PPP2R2B: variants seen among roughly 807,000 people sequenced by gnomAD.
The protein encoded by PPP2R2B is protein phosphatase 2 regulatory subunit Bbeta.
PPP2R2B carries 5 observed loss-of-function variants against 46.0 expected under a neutral mutation model. The observed-to-expected ratio is 0.11, with a 90% CI of 0.06 to 0.23. The LOEUF (loss-of-function observed/expected upper bound fraction) is 0.23. Ranked by LOEUF, PPP2R2B falls within the 10% of genes least tolerant of loss-of-function variation. PPP2R2B has a pLI of 1.00. For synonymous variants in PPP2R2B, 215 were observed against 206.7 expected, an observed-to-expected ratio of 1.04 and a Z score of -0.34; for missense variants, 367 against 575.0, an observed-to-expected ratio of 0.64 and a Z score of 3.70.
Position 147,046,725 on chromosome 5 carries a change from A to T in PPP2R2B, c.79+8940T>A, listed in dbSNP as rs1756561333. On this transcript the variant is annotated intron_variant, in intron 1 of 8. Coordinates refer to the PPP2R2B transcript ENST00000336640. ...CATTTTCAACTAAATATTTCATATCACTAATCCTCCCTCACTATTTTTACC... is the reference window on the plus strand; with the variant it reads ...CATTTTCAACTAAATATTTCATATCTCTAATCCTCCCTCACTATTTTTACC... Among the ~76,000 whole-genome samples, 4 of 152,300 alleles carry T rather than the reference A, an allele frequency of 2.6e-5. 1 individual carries two copies. The South Asian group carries it at 8.3e-4, about 32-fold the overall frequency.
At chr5:146,681,681 A>G (rs1478887232) in intron 5 of PPP2R2B, among the ~76,000 whole-genome samples, 2 of 152,224 alleles carry the variant, frequency 1.3e-5, no homozygotes, top group Non-Finnish European at 2.9e-5. Context: ...AGAAAATCCT[A>G]TCTGGGTCAG....
chr5:146,692,216 C>T (rs1047943843), intron 4 of PPP2R2B, among the ~76,000 whole-genome samples: 5 of 152,202 alleles, frequency 3.3e-5, no homozygotes, highest in African/African-American at 1.2e-4. Context: ...CTGCATAGTA[C>T]ATATTTCTAG....
rs148423117 is a variant in PPP2R2B, at chr5:146,600,448, G to T, written c.803C>A (p.Pro268Gln). 1.2e-6 allele frequency: 2 copies of T among 1,613,556 alleles called. No individual in the cohort carries two copies. The highest frequency in any genetic ancestry group is 1.3e-5 in the African/African-American group (1 of 74,954). The part of the protein sequence containing the change: ...CDRHTKFFEE[P>Q]EDPSNRSFFS... ...AAATGATCTGTTGCTTGGATCTTCCGGCTCTTCAAAAACTGCAGAACAAAA... is the reference window on the plus strand; with the variant it reads ...AAATGATCTGTTGCTTGGATCTTCCTGCTCTTCAAAAACTGCAGAACAAAA... The change falls in exon 8 of 10, where the codon CCG (proline) becomes CAG (glutamine). Residue 268 changes from proline (P) to glutamine (Q), a missense_variant. Physicochemically the swap from Pro to Gln is moderately conservative, Grantham distance 76. Transcript: ENST00000394411.
At chr5:146,865,341 G>A (rs894235745) in intron 2 of PPP2R2B, among the ~76,000 whole-genome samples, 2 of 151,020 alleles carry the variant, frequency 1.3e-5, no homozygotes, top group African/African-American at 2.4e-5. Context: ...GAGCCTGGAA[G>A]GAAATATAGC....
upstream of PPP2R2B, among the ~76,000 whole-genome samples, chr5:146,880,295 C>A (rs1762124719): frequency 6.6e-6 from 1 of 151,428 alleles, no homozygotes; most frequent in African/African-American, 2.4e-5. Flanking sequence ...GACTTATACA[C>A]TTGTTTGTTC....
At chr5:146,915,647 T>C (rs927040504) in intron 1 of PPP2R2B, among the ~76,000 whole-genome samples, 24 of 152,194 alleles carry the variant, frequency 1.6e-4, no homozygotes, top group African/African-American at 5.8e-4. Flanking sequence ...AGAAACATAA[T>C]ATTTCCTTAA....
At chr5:146,926,372 T>TTTTA (rs967978590) in intron 1 of PPP2R2B, among the ~76,000 whole-genome samples, 24 of 151,984 alleles carry the variant, frequency 1.6e-4, no homozygotes, top group East Asian at 3.9e-4. Context: ...ACATTCCTGA[T>TTTTA]TTTATTTATT....
intron 1 of PPP2R2B, among the ~76,000 whole-genome samples, chr5:146,902,018 T>A (rs185001159): frequency 6.6e-6 from 1 of 152,126 alleles, no homozygotes; most frequent in Non-Finnish European, 1.5e-5. Context: ...CAAAGTGTGA[T>A]GAAAAAATCT....
intron 5 of PPP2R2B, among the ~76,000 whole-genome samples, chr5:146,655,499 C>G (rs11952352): frequency 7.2e-5 from 11 of 152,138 alleles, no homozygotes; most frequent in Non-Finnish European, 1.6e-4. Context: ...TTAAACACTT[C>G]AGCAGTTCCT....
intron 1 of PPP2R2B, among the ~76,000 whole-genome samples, chr5:146,924,608 T>C (rs1328301205): frequency 6.6e-6 from 1 of 152,208 alleles, no homozygotes; most frequent in Non-Finnish European, 1.5e-5. Flanking sequence ...ACTTGTGCAG[T>C]CACACAGGAC....
chr5:146,856,548 G>A (rs1388331192), intron 2 of PPP2R2B: 1 of 1,612,742 alleles, frequency 6.2e-7, no homozygotes, highest in Admixed American at 1.7e-5. Flanking sequence ...TTCATTATTG[G>A]GCCACTATTC....
intron 2 of PPP2R2B, among the ~76,000 whole-genome samples, chr5:146,738,449 G>A (rs1752675180): frequency 6.6e-6 from 1 of 150,864 alleles, no homozygotes; most frequent in Non-Finnish European, 1.5e-5. Context: ...AGTTGGAAGT[G>A]ACTTTAAACG....
chr5:146,990,612 A>G (rs937380301), intron 1 of PPP2R2B, among the ~76,000 whole-genome samples: 4 of 152,154 alleles, frequency 2.6e-5, no homozygotes, highest in African/African-American at 9.7e-5. Context: ...CTATGAAACT[A>G]TTAGTAGAAA....
At position 146,871,900 on chromosome 5, in the gene PPP2R2B, A is replaced by T. The variant is rs966471710; in HGVS notation, c.70+6102T>A. Among the ~76,000 whole-genome samples the T allele has an allele frequency of 4.6e-5, 7 of 152,184 alleles. No individual in the cohort carries two copies. The East Asian group carries it at 1.3e-3, about 29-fold the overall frequency. ...TTATTTTAAAAATGAGGTTAATGCA[A>T]CCATTCTCTCTGGGTTGTTGATGGA... On this transcript the variant is annotated intron_variant, in intron 2 of 9. Coordinates refer to ENST00000394411, the MANE Select transcript of PPP2R2B (RefSeq NM_181675.4).
At chr5:146,709,609 G>A (rs1287179565) in intron 2 of PPP2R2B, among the ~76,000 whole-genome samples, 2 of 152,188 alleles carry the variant, frequency 1.3e-5, no homozygotes, top group African/African-American at 4.8e-5. Context: ...CCTTCTGACC[G>A]GACTCTTCAT....
chr5:146,757,284 G>T (rs1039153773), intron 2 of PPP2R2B, among the ~76,000 whole-genome samples: 1 of 152,150 alleles, frequency 6.6e-6, no homozygotes, highest in East Asian at 1.9e-4. Flanking sequence ...CGGGAACATG[G>T]TTTTATATAA....
At chr5:146,909,954 A>T (rs2151804547) in intron 1 of PPP2R2B, among the ~76,000 whole-genome samples, 1 of 152,352 alleles carries the variant, frequency 6.6e-6, no homozygotes, top group South Asian at 2.1e-4. Flanking sequence ...CCATTTATCT[A>T]ATTGCAGCTA....
intron 2 of PPP2R2B, among the ~76,000 whole-genome samples, chr5:146,836,890 C>G (rs528733611): frequency 1.1e-4 from 17 of 152,322 alleles, no homozygotes; most frequent in African/African-American, 3.6e-4. Context: ...AGATTATGTT[C>G]CTCTGAAGTT....
intron 5 of PPP2R2B, among the ~76,000 whole-genome samples, chr5:146,661,502 T>C (rs1776667537): frequency 6.6e-6 from 1 of 152,036 alleles, no homozygotes; most frequent in Admixed American, 6.6e-5. Flanking sequence ...TTCAAAGACA[T>C]ATAAAATATA....
Sources: gnomAD v4.1 joint callset for allele counts (sites outside exome capture counted in the v4.1 genomes callset) on GRCh38, gnomAD v4.1.1 for gene constraint, MANE v1.5 for transcripts, NCBI Gene and HGNC (gene_info 2026-07-23, HGNC 2026-07-21) for gene names.